Variants in NHLRC2 observed in about 807,000 individuals in gnomAD.
NHLRC2 encodes the protein NHL repeat-containing protein 2.
Under a neutral mutation model 68.1 loss-of-function variants are expected in NHLRC2, and 33 were observed. That is an observed-to-expected ratio of 0.48 (90% CI 0.37 to 0.65). NHLRC2 has a LOEUF of 0.65. NHLRC2 is among the 30% of genes least tolerant of loss of function. The probability of loss-of-function intolerance (pLI) is 0.00; values close to 1 mark genes in which losing one functional copy is unlikely to be tolerated. For missense variants in NHLRC2, 761 were observed against 853.8 expected, an observed-to-expected ratio of 0.89 and a Z score of 1.35; for synonymous variants, 311 against 309.6, an observed-to-expected ratio of 1.00 and a Z score of -0.05.
At chr10:113,858,948 T>C (rs914707677) in intron 2 of NHLRC2, 27 of 276,974 alleles carry the variant, frequency 9.7e-5, no homozygotes, top group Non-Finnish European at 1.6e-4. Context: ...CATGATCAGA[T>C]ATTTTAAAAG....
intron 1 of NHLRC2, among the ~76,000 whole-genome samples, chr10:113,855,509 C>A (rs1845741136): frequency 6.6e-6 from 1 of 151,926 alleles, no homozygotes; most frequent in Non-Finnish European, 1.5e-5. Context: ...GCTCTGTCTC[C>A]CAGGCTGGAG....
At chr10:113,893,385 C>T (rs552715820) in intron 5 of NHLRC2, among the ~76,000 whole-genome samples, 3 of 152,250 alleles carry the variant, frequency 2.0e-5, no homozygotes, top group Admixed American at 6.5e-5. Flanking sequence ...CCAAGTTTAG[C>T]TGGGTGAATT....
intron 3 of NHLRC2, among the ~76,000 whole-genome samples, chr10:113,879,062 A>G (rs899621394): frequency 6.6e-6 from 1 of 152,208 alleles, no homozygotes; most frequent in African/African-American, 2.4e-5. Context: ...TGTGTATGAT[A>G]TATCGCAGGA....
At chr10:113,855,092 C>T (rs1370242128) in intron 1 of NHLRC2, 42 bp downstream of exon 1, 61 of 1,513,822 alleles carry the variant, frequency 4.0e-5, no homozygotes, top group East Asian at 3.2e-4. Context: ...CCCGGCACCT[C>T]CCCTTCCTCG....
chr10:113,891,080 GGATTACAATTCA>G (rs1272976466), intron 5 of NHLRC2, among the ~76,000 whole-genome samples: 2 of 152,110 alleles, frequency 1.3e-5, no homozygotes, highest in African/African-American at 4.8e-5. Flanking sequence ...CGACTTGTGG[GGATTACAATTCA>G]GATTACAATT....
chr10:113,884,148 A>G (rs956683905), intron 4 of NHLRC2, 103 bp from the exon 5 acceptor site: 29 of 1,030,308 alleles, frequency 2.8e-5, no homozygotes, highest in Non-Finnish European at 3.7e-5. Context: ...TGTACTGCAC[A>G]TACACTCTAA....
At position 113,901,882 on chromosome 10, in the gene NHLRC2, A is replaced by G; in HGVS notation, c.1356A>G (p.Gly452=). The change falls in exon 7 of 11, where the codon GGA becomes GGG. Residue 452 remains glycine, a synonymous_variant. Transcript: ENST00000369301. ...GAGCAGTGAAGCACCTCGTAGGAGG[A>G]GAAAGAGACCCCATGGTAATGACAG... is the stretch of plus-strand genomic sequence containing the variant. ...KDGAVKHLVG[G]ERDPMNLFAF... 6.2e-7 allele frequency: 1 copy of G among 1,611,322 alleles called. No homozygotes were observed. The highest frequency in any genetic ancestry group is 8.5e-7 in the Non-Finnish European group (1 of 1,177,474).
At chr10:113,864,624 G>A (rs1473836558) in intron 2 of NHLRC2, among the ~76,000 whole-genome samples, 3 of 151,400 alleles carry the variant, frequency 2.0e-5, no homozygotes, top group South Asian at 2.1e-4. Context: ...TTGAACCCAC[G>A]AGGCAGAGAT....
chr10:113,854,917 C>A lies in NHLRC2; in HGVS notation c.45C>A (p.Leu15=), dbSNP rs754581706. The change falls in exon 1 of 11, where the codon CTC becomes CTA. Residue 15 remains leucine (L), a synonymous_variant. Transcript: ENST00000369301. ...GGRGRSLSGL[L]PAQTSLEYAL... The stretch of plus-strand genomic sequence containing the variant: ...GGGGCCGCAGCCTCTCCGGCCTGCT[C>A]CCCGCGCAGACCTCGCTAGAGTACG... The A allele has an allele frequency of 9.7e-6, 15 of 1,553,206 alleles. No individual in the cohort carries two copies. The highest frequency in any genetic ancestry group is 1.3e-5 in the Non-Finnish European group (15 of 1,148,150).
At chr10:113,877,760 G>A (rs1403003509) in intron 3 of NHLRC2, among the ~76,000 whole-genome samples, 1 of 152,148 alleles carries the variant, frequency 6.6e-6, no homozygotes, top group African/African-American at 2.4e-5. Flanking sequence ...AAGTAGAAAT[G>A]TCTGTGTTCC....
chr10:113,866,743 C>A (rs148990059), intron 2 of NHLRC2, among the ~76,000 whole-genome samples: 1 of 151,840 alleles, frequency 6.6e-6, no homozygotes, highest in Non-Finnish European at 1.5e-5. Context: ...CCCGCCTCCC[C>A]GCCTCCACCC....
At chr10:113,856,660 C>T (rs1356521519) in intron 1 of NHLRC2, among the ~76,000 whole-genome samples, 1 of 151,848 alleles carries the variant, frequency 6.6e-6, no homozygotes, top group Non-Finnish European at 1.5e-5. Flanking sequence ...GTATTTTATT[C>T]CCATGAGATT....
rs189390594 is a variant in NHLRC2 at position 113,911,006 on chromosome 10, T to C, written c.*2470T>C. 6.8e-4 allele frequency: 103 copies of C among 152,324 alleles called. No homozygotes were observed. Among genetic ancestry groups the C allele is most frequent in the African/African-American group, 2.3e-3 (97 of 41,594 alleles). 9.4% of individuals were successfully genotyped at this position (152,324 alleles called of 1,614,324 possible). On this transcript the variant is annotated 3_prime_UTR_variant, in exon 11 of 11. Transcript: ENST00000369301. ...TAAGAGGAAGCACTAGAAAGTTTAT[T>C]TTTAAAACTTGTTGATCCATATTCT... is the stretch of plus-strand genomic sequence containing the variant.
At position 113,913,842 on chromosome 10, in the gene NHLRC2, G is replaced by GTTTTTTTTTTT. The variant is rs1204774026; in HGVS notation, c.*5310_*5311insTTTTTTTTTTT. The GTTTTTTTTTTT allele has an allele frequency of 7.4e-6, 1 of 134,984 alleles. No homozygotes were observed. Among genetic ancestry groups the GTTTTTTTTTTT allele is most frequent in the African/African-American group, 2.8e-5 (1 of 35,430 alleles). The allele number at this position is 134,984 out of a possible 1,614,324, so 8.4% of individuals were successfully genotyped here. On this transcript the variant is annotated 3_prime_UTR_variant, in exon 11 of 11. Coordinates refer to ENST00000369301, the MANE Select transcript of NHLRC2 (RefSeq NM_198514.4). ...GCATTAGGTACTTTTTGTTGTTGTT[G>GTTTTTTTTTTT]TTTTGTTTTTTTTTTTTTTTTTTGA... is the stretch of plus-strand genomic sequence containing the variant.
intron 5 of NHLRC2, among the ~76,000 whole-genome samples, chr10:113,892,286 A>G (rs1846140034): frequency 6.6e-6 from 1 of 152,220 alleles, no homozygotes. Context: ...ACTGATAATT[A>G]TGAGTGAGTT....
intron 4 of NHLRC2, among the ~76,000 whole-genome samples, chr10:113,882,934 T>G (rs1445822797): frequency 6.6e-6 from 1 of 151,904 alleles, no homozygotes; most frequent in Non-Finnish European, 1.5e-5. Flanking sequence ...CAGAAACATT[T>G]GTCCAAAAGA....
intron 2 of NHLRC2, among the ~76,000 whole-genome samples, chr10:113,862,158 C>CA (rs1239732891): frequency 6.6e-6 from 1 of 152,042 alleles, no homozygotes; most frequent in African/African-American, 2.4e-5. Flanking sequence ...GGATTAACGC[C>CA]ATGAGCCACC....
chr10:113,858,705 A>G, intron 2 of NHLRC2, 25 bp downstream of exon 2: 1 of 1,580,582 alleles, frequency 6.3e-7, no homozygotes, highest in South Asian at 1.1e-5. Flanking sequence ...ATTAGTTTCT[A>G]ACAGACTGTC....
intron 2 of NHLRC2, among the ~76,000 whole-genome samples, chr10:113,867,367 A>G (rs997036494): frequency 1.3e-5 from 2 of 152,226 alleles, no homozygotes; most frequent in Non-Finnish European, 2.9e-5. Flanking sequence ...AACATTGCCA[A>G]TTTATGGCAC....
Sources: gnomAD v4.1 joint callset for allele counts (sites outside exome capture counted in the v4.1 genomes callset) on GRCh38, gnomAD v4.1.1 for gene constraint, MANE v1.5 for transcripts, NCBI Gene and HGNC (gene_info 2026-07-23, HGNC 2026-07-21) for gene names.